TMEM167A: variants seen among roughly 807,000 people sequenced by gnomAD.
The protein encoded by TMEM167A is protein kish-A.
TMEM167A carries 8 observed loss-of-function variants against 11.6 expected under a neutral mutation model. The observed-to-expected ratio is 0.69, with a 90% CI of 0.40 to 1.24. The LOEUF (loss-of-function observed/expected upper bound fraction) is 1.24, where lower values mean the gene tolerates loss of function less well. TMEM167A is among the 50% of genes most tolerant of loss of function. The probability of loss-of-function intolerance (pLI) is 0.01; values close to 1 mark genes in which losing one functional copy is unlikely to be tolerated. For missense variants in TMEM167A, 62 were observed against 87.0 expected (o/e 0.71, Z 1.14); for synonymous variants, 22 against 28.0 (o/e 0.79, Z 0.67).
intron 1 of TMEM167A, among the ~76,000 whole-genome samples, chr5:83,066,518 A>G (rs111580487): frequency 2.6e-3 from 397 of 152,358 alleles, no homozygotes; most frequent in African/African-American, 8.8e-3. Flanking sequence ...GAAAAAAGAT[A>G]GCATCCAGAA....
intron 1 of TMEM167A, among the ~76,000 whole-genome samples, chr5:83,066,887 G>C (rs1400181319): frequency 1.3e-5 from 2 of 152,112 alleles, no homozygotes; most frequent in Admixed American, 6.5e-5. Flanking sequence ...ATAAAGCCAT[G>C]ATGCTCCTCC....
chr5:83,063,084 G>A (rs1744430181), intron 2 of TMEM167A, among the ~76,000 whole-genome samples: 2 of 152,016 alleles, frequency 1.3e-5, no homozygotes, highest in Middle Eastern at 6.3e-3. Flanking sequence ...GCAAAAACAT[G>A]AGTTTATTTC....
At position 83,068,518 on chromosome 5, in the gene TMEM167A, T is replaced by C. The variant is rs185179254; in HGVS notation, c.4-3401A>G. Among the ~76,000 whole-genome samples the C allele has an allele frequency of 1.1e-4, 16 of 152,204 alleles. 1 individual carries two copies. In the East Asian group the frequency reaches 3.1e-3, roughly 29 times the overall value. Reference sequence around the variant, plus strand: ...CATTGTTGAATGTGGAAGTGAGTTATGCAGACAAAAAATGCCATTTTTGTA... The same window carrying C: ...CATTGTTGAATGTGGAAGTGAGTTACGCAGACAAAAAATGCCATTTTTGTA... On this transcript the variant is annotated intron_variant, in intron 1 of 3. Coordinates refer to ENST00000502346, the MANE Select transcript of TMEM167A (RefSeq NM_174909.5).
intron 2 of TMEM167A, among the ~76,000 whole-genome samples, chr5:83,062,741 G>C (rs1171469363): frequency 6.6e-6 from 1 of 151,804 alleles, no homozygotes; most frequent in African/African-American, 2.4e-5. Context: ...ATTATAAATA[G>C]TGTCACATAT....
At chr5:83,071,162 C>G (rs943526596) in intron 1 of TMEM167A, among the ~76,000 whole-genome samples, 2 of 152,056 alleles carry the variant, frequency 1.3e-5, no homozygotes, top group African/African-American at 4.8e-5. Flanking sequence ...GGGCACTAAA[C>G]AAATTGTTTA....
At chr5:83,072,317 G>T (rs1744574045) in intron 1 of TMEM167A, among the ~76,000 whole-genome samples, 1 of 152,156 alleles carries the variant, frequency 6.6e-6, no homozygotes, top group Non-Finnish European at 1.5e-5. Context: ...TGATAAAAAG[G>T]TTGGACAAGA....
chr5:83,070,727 T>C (rs1744548111), intron 1 of TMEM167A, among the ~76,000 whole-genome samples: 1 of 152,186 alleles, frequency 6.6e-6, no homozygotes, highest in African/African-American at 2.4e-5. Context: ...AATTAGTTTT[T>C]AGATTTTTAA....
rs1477038127 is a variant in TMEM167A at position 83,065,102 on chromosome 5, A to C, written c.19T>G (p.Phe7Val). Residue 7 changes from phenylalanine to valine, a missense_variant, in exon 2 of 4, where the codon TTT becomes GTT. Phe to Val is a conservative substitution (Grantham distance 50). Coordinates refer to ENST00000502346, the MANE Select transcript of TMEM167A (RefSeq NM_174909.5). The stretch of plus-strand genomic sequence containing the variant: ...AAGATTACAGTCAATAGACTCTGAA[A>C]ATTGAAAATGGCAGACTAAAAAGAA... MSAIFNFQSLLTVILLL... is the reference protein window; with the variant it reads MSAIFNVQSLLTVILLL... The C allele has an allele frequency of 6.3e-7, 1 of 1,585,276 alleles. No homozygotes were observed. Among genetic ancestry groups the C allele is most frequent in the African/African-American group, 1.4e-5 (1 of 73,316 alleles).
At position 83,056,807 on chromosome 5, in the gene TMEM167A, TA is replaced by T. The variant is rs1004260833; in HGVS notation, c.*276del. On this transcript the variant is annotated 3_prime_UTR_variant, in exon 4 of 4. Coordinates refer to ENST00000502346, the MANE Select transcript of TMEM167A (RefSeq NM_174909.5). Reference sequence around the variant, plus strand: ...ACTATGTGCCTTAGAGATACCTCACTAAAATTTTGTATCTGATACAACAGAA... The same window carrying T: ...ACTATGTGCCTTAGAGATACCTCACTAAATTTTGTATCTGATACAACAGAA... 6 of 433,120 alleles carry T rather than the reference TA, an allele frequency of 1.4e-5. No homozygotes were observed. The highest frequency in any genetic ancestry group is 1.0e-4 in the African/African-American group (5 of 48,216). 26.8% of individuals were successfully genotyped at this position (433,120 alleles called of 1,614,324 possible).
chr5:83,070,758 T>A lies in TMEM167A; in HGVS notation c.4-5641A>T, dbSNP rs1212659326. The stretch of plus-strand genomic sequence containing the variant: ...TTTAAAATCATTTTATTTATTAAGA[T>A]GAAATTTCTCATTTTCAGAGTCATT... On this transcript the variant is annotated intron_variant, in intron 1 of 3. Coordinates refer to ENST00000502346, the MANE Select transcript of TMEM167A (RefSeq NM_174909.5). Among the ~76,000 whole-genome samples, 3 of 152,154 alleles carry A rather than the reference T, an allele frequency of 2.0e-5. No homozygotes were observed. The South Asian group carries it at 6.2e-4, about 32-fold the overall frequency.
intron 1 of TMEM167A, among the ~76,000 whole-genome samples, chr5:83,071,199 T>C (rs1744554162): frequency 6.6e-6 from 1 of 152,160 alleles, no homozygotes; most frequent in South Asian, 2.1e-4. Context: ...AGGGGCTTAT[T>C]TATACATAAC....
chr5:83,055,904 T>C lies in TMEM167A; in HGVS notation c.*1180A>G, dbSNP rs1261418441. ...TAATACTATCTACAACAGGTAATTT[T>C]TAGCTAAGATTTAAGTTCCTCGTAG... On this transcript the variant is annotated 3_prime_UTR_variant, in exon 4 of 4. Coordinates refer to ENST00000502346, the MANE Select transcript of TMEM167A (RefSeq NM_174909.5). The C allele has an allele frequency of 6.6e-6, 1 of 152,054 alleles. No homozygotes were observed. The highest frequency in any genetic ancestry group is 1.5e-5 in the Non-Finnish European group (1 of 67,950). 9.4% of individuals were successfully genotyped at this position (152,054 alleles called of 1,614,324 possible). A position where few individuals can be genotyped will look rare whatever the true frequency, so the allele number is the denominator to read the frequency against.
At chr5:83,060,123 C>A (rs906523321) in intron 3 of TMEM167A, among the ~76,000 whole-genome samples, 7 of 72,856 alleles carry the variant, frequency 9.6e-5, no homozygotes, top group Admixed American at 7.6e-4. Context: ...ATGGACCATC[C>A]TCTAAATTTT....
chr5:83,059,245 G>A (rs544762840), intron 3 of TMEM167A, among the ~76,000 whole-genome samples: 1 of 150,356 alleles, frequency 6.7e-6, no homozygotes, highest in Non-Finnish European at 1.5e-5. Flanking sequence ...CATTAAGAAA[G>A]ATACAAACTA....
In TMEM167A at chr5:83,055,683, T is replaced by C. The variant is rs1744318847; in HGVS notation, c.*1401A>G. 6.6e-6 allele frequency: 1 copy of C among 151,938 alleles called. No homozygotes were observed. Among genetic ancestry groups the C allele is most frequent in the Admixed American group, 6.6e-5 (1 of 15,212 alleles). The allele number at this position is 151,938 out of a possible 1,614,324, so 9.4% of individuals were successfully genotyped here. A position where few individuals can be genotyped will look rare whatever the true frequency, so the allele number is the denominator to read the frequency against. The stretch of plus-strand genomic sequence containing the variant: ...AACCACCACAGGCAACACACAAGCT[T>C]AAGATGTTTCCTAGAATCCATTCCA... On this transcript the variant is annotated 3_prime_UTR_variant, in exon 4 of 4. Coordinates refer to ENST00000502346, the MANE Select transcript of TMEM167A (RefSeq NM_174909.5).
intron 3 of TMEM167A, among the ~76,000 whole-genome samples, chr5:83,059,159 T>C (rs921866982): frequency 9.0e-6 from 1 of 111,240 alleles, no homozygotes; most frequent in Non-Finnish European, 1.8e-5. Flanking sequence ...AAATAATAAA[T>C]AACAAGCAAA....
rs573192479 is a variant in TMEM167A at position 83,056,884 on chromosome 5, A to T, written c.*200T>A. On this transcript the variant is annotated 3_prime_UTR_variant, in exon 4 of 4. Coordinates refer to ENST00000502346, the MANE Select transcript of TMEM167A (RefSeq NM_174909.5). ...AGTGACAGTACTGAGGTTGATTGTT[A>T]CAGACTATTAAATGGTTACATCTTA... 1.6e-6 allele frequency: 1 copy of T among 613,174 alleles called. No homozygotes were observed. The allele number at this position is 613,174 out of a possible 1,614,324, so 38.0% of individuals were successfully genotyped here. A position where few individuals can be genotyped will look rare whatever the true frequency, so the allele number is the denominator to read the frequency against.
rs1451332796 is a variant in TMEM167A at position 83,077,331 on chromosome 5, C to T, written c.-8G>A. 6.2e-7 allele frequency: 1 copy of T among 1,614,094 alleles called. No homozygotes were observed. Among genetic ancestry groups the T allele is most frequent in the Non-Finnish European group, 8.5e-7 (1 of 1,180,032 alleles). On this transcript the variant is annotated 5_prime_UTR_variant, in exon 1 of 4. Transcript: ENST00000502346. Reference sequence around the variant, plus strand: ...AGCCCCACTTCTTACCATAGCGAGGCCGGCGATGCCGCAGCCACATCACCC... The same window carrying T: ...AGCCCCACTTCTTACCATAGCGAGGTCGGCGATGCCGCAGCCACATCACCC...
intron 2 of TMEM167A, among the ~76,000 whole-genome samples, chr5:83,063,843 A>C (rs1156619885): frequency 1.3e-5 from 2 of 152,088 alleles, no homozygotes; most frequent in African/African-American, 4.8e-5. Context: ...ACCATGTAGT[A>C]ATCTTTTTTT....
Sources: allele counts gnomAD v4.1 joint callset (sites outside exome capture counted in the v4.1 genomes callset), GRCh38; gene constraint gnomAD v4.1.1; transcripts MANE v1.5; gene names NCBI Gene and HGNC (gene_info 2026-07-23, HGNC 2026-07-21).